DEPTOR: variants seen among roughly 807,000 people sequenced by gnomAD.
DEPTOR encodes the protein DEP domain-containing mTOR-interacting protein.
In DEPTOR, 41 loss-of-function variants were observed where a neutral mutation model predicts 41.6. That is an observed-to-expected ratio of 0.98 (90% CI 0.77 to 1.28). The LOEUF (loss-of-function observed/expected upper bound fraction) is 1.28. Among genes scored for constraint, DEPTOR ranks in the 50% most tolerant of loss-of-function variants. The probability of loss-of-function intolerance (pLI) is 0.00; values close to 1 mark genes in which losing one functional copy is unlikely to be tolerated. For synonymous variants in DEPTOR, 195 were observed against 192.3 expected, an observed-to-expected ratio of 1.01 and a Z score of -0.12; for missense variants, 514 against 527.9, an observed-to-expected ratio of 0.97 and a Z score of 0.26.
chr8:119,888,305 C>T (rs1827399988), intron 1 of DEPTOR, among the ~76,000 whole-genome samples: 2 of 152,106 alleles, frequency 1.3e-5, no homozygotes, highest in Non-Finnish European at 2.9e-5. Flanking sequence ...TATACTGCTT[C>T]CTTAGAATTA....
intron 4 of DEPTOR, among the ~76,000 whole-genome samples, chr8:119,989,430 G>T (rs1009911422): frequency 6.6e-6 from 1 of 152,172 alleles, no homozygotes; most frequent in Non-Finnish European, 1.5e-5. Context: ...TCGTTTCCAT[G>T]ATCACACCTT....
At chr8:119,994,985 A>G (rs1812237925) in intron 4 of DEPTOR, among the ~76,000 whole-genome samples, 1 of 151,944 alleles carries the variant, frequency 6.6e-6, no homozygotes, top group Non-Finnish European at 1.5e-5. Flanking sequence ...ATTTCAGAAT[A>G]AGTAGTAAAT....
At chr8:119,991,024 G>GTTTTCTTTTCTTTTC in intron 4 of DEPTOR, among the ~76,000 whole-genome samples, 1 of 83,834 alleles carries the variant, frequency 1.2e-5, no homozygotes, top group South Asian at 3.6e-4. Context: ...TACAGCTCGG[G>GTTTTCTTTTCTTTTC]TTTTCTTTTC....
chr8:119,916,005 T>C (rs983733889), intron 1 of DEPTOR, among the ~76,000 whole-genome samples: 6 of 150,940 alleles, frequency 4.0e-5, no homozygotes, highest in East Asian at 2.0e-4. Context: ...ATGGCACTTC[T>C]GGCAAAATCT....
chr8:120,010,600 A>G (rs1486448976), intron 8 of DEPTOR, among the ~76,000 whole-genome samples: 1 of 138,394 alleles, frequency 7.2e-6, no homozygotes, highest in Admixed American at 7.7e-5. Flanking sequence ...TGGGTGACAG[A>G]GTGCAAGACT....
intron 6 of DEPTOR, among the ~76,000 whole-genome samples, chr8:120,004,926 C>G (rs763054797): frequency 6.7e-6 from 1 of 150,352 alleles, no homozygotes; most frequent in Non-Finnish European, 1.5e-5. Flanking sequence ...TTTTTTAGTA[C>G]TGTATATAAA....
chr8:119,959,822 C>T (rs1282780988), intron 3 of DEPTOR, among the ~76,000 whole-genome samples: 2 of 152,128 alleles, frequency 1.3e-5, no homozygotes, highest in African/African-American at 2.4e-5. Flanking sequence ...AGCCTCTGTG[C>T]TTGGCCTCTA....
intron 3 of DEPTOR, among the ~76,000 whole-genome samples, chr8:119,954,145 CTT>C (rs11352000): frequency 2.5e-4 from 35 of 141,448 alleles, no homozygotes; most frequent in Non-Finnish European, 3.0e-4. Flanking sequence ...GAATAATTAA[CTT>C]TTTTTTTTTT....
At chr8:119,888,621 C>A (rs922299055) in intron 1 of DEPTOR, among the ~76,000 whole-genome samples, 10 of 151,762 alleles carry the variant, frequency 6.6e-5, no homozygotes, top group Non-Finnish European at 1.5e-4. Flanking sequence ...TTTGGGAGGC[C>A]GAGGCAGGCA....
chr8:119,899,129 T>A (rs1827556030), intron 1 of DEPTOR, among the ~76,000 whole-genome samples: 1 of 152,246 alleles, frequency 6.6e-6, no homozygotes, highest in South Asian at 2.1e-4. Flanking sequence ...ATACTGTTCT[T>A]CAGCTTTTCC....
At chr8:119,987,552 G>A (rs145958695) in intron 4 of DEPTOR, among the ~76,000 whole-genome samples, 318 of 152,322 alleles carry the variant, frequency 2.1e-3, no homozygotes, top group Non-Finnish European at 3.0e-3. Context: ...AGCAGAGCTC[G>A]AGTGCTGTGC....
At chr8:119,885,278 G>A (rs1039822245) in intron 1 of DEPTOR, among the ~76,000 whole-genome samples, 7 of 152,132 alleles carry the variant, frequency 4.6e-5, no homozygotes, top group Non-Finnish European at 1.0e-4. Context: ...GTATATGACT[G>A]TGTTTTACAT....
At chr8:120,009,759 T>A (rs138703058) in intron 8 of DEPTOR, among the ~76,000 whole-genome samples, 47 of 152,302 alleles carry the variant, frequency 3.1e-4, no homozygotes, top group Middle Eastern at 3.4e-3. Flanking sequence ...AATTTCCTTT[T>A]CCCTTTCTGA....
At chr8:119,917,532 T>C (rs1437389578) in intron 1 of DEPTOR, among the ~76,000 whole-genome samples, 2 of 152,142 alleles carry the variant, frequency 1.3e-5, no homozygotes, top group Non-Finnish European at 2.9e-5. Context: ...GGCAGCAAGC[T>C]CGTTAAGAGT....
intron 1 of DEPTOR, among the ~76,000 whole-genome samples, chr8:119,906,785 C>T (rs1256118040): frequency 6.6e-6 from 1 of 152,138 alleles, no homozygotes; most frequent in African/African-American, 2.4e-5. Flanking sequence ...TGCAGGACAC[C>T]AGAGCTTTGA....
At chr8:119,962,822 G>A (rs1175368433) in intron 3 of DEPTOR, among the ~76,000 whole-genome samples, 1 of 152,138 alleles carries the variant, frequency 6.6e-6, no homozygotes, top group South Asian at 2.1e-4. Context: ...TGCCTGAGAT[G>A]GGAAGGCTTA....
intron 3 of DEPTOR, among the ~76,000 whole-genome samples, chr8:119,931,795 T>C (rs980482281): frequency 3.3e-5 from 5 of 152,124 alleles, no homozygotes; most frequent in African/African-American, 1.2e-4. Context: ...TTCTTTTAAT[T>C]TCTTAGTTCC....
At chr8:119,923,893 C>CTTTTCTTTTTTTTTTTTTTTTTTT (rs1554673843) in intron 1 of DEPTOR, among the ~76,000 whole-genome samples, 2 of 104,980 alleles carry the variant, frequency 1.9e-5, no homozygotes, top group African/African-American at 6.1e-5. Flanking sequence ...TTTTTTCTTT[C>CTTTTCTTTTTTTTTTTTTTTTTTT]TTTTTTTTTT....
intron 1 of DEPTOR, among the ~76,000 whole-genome samples, chr8:119,897,760 G>T (rs1438401199): frequency 1.3e-5 from 2 of 152,166 alleles, no homozygotes; most frequent in African/African-American, 4.8e-5. Context: ...CTCCCAAAGT[G>T]CTGGGATTAC....
Sources: gnomAD v4.1 joint callset for allele counts (sites outside exome capture counted in the v4.1 genomes callset) on GRCh38, gnomAD v4.1.1 for gene constraint, MANE v1.5 for transcripts, NCBI Gene and HGNC (gene_info 2026-07-23, HGNC 2026-07-21) for gene names.